Variants in KIAA1671 observed in about 807,000 individuals in gnomAD.
KIAA1671 encodes the protein KIAA1671.
A neutral mutation model predicts 131.2 loss-of-function variants in KIAA1671; 52 were observed. The observed-to-expected ratio is 0.40, with a 90% CI of 0.32 to 0.50. The LOEUF (loss-of-function observed/expected upper bound fraction) is 0.50, where lower values mean the gene tolerates loss of function less well. Among genes scored for constraint, KIAA1671 ranks in the 20% least tolerant of loss-of-function variants. The pLI, the probability that KIAA1671 is intolerant of heterozygous loss-of-function variation, is 0.73. For missense variants in KIAA1671, 2,360 were observed against 2,364.2 expected, an observed-to-expected ratio of 1.00 and a Z score of 0.04; for synonymous variants, 1,003 against 961.6, an observed-to-expected ratio of 1.04 and a Z score of -0.80.
chr22:25,172,483 C>T (rs1294990423), intron 7 of KIAA1671, among the ~76,000 whole-genome samples: 1 of 152,170 alleles, frequency 6.6e-6, no homozygotes, highest in Non-Finnish European at 1.5e-5. Context: ...AATAAAATCA[C>T]CCCAGAGCTG....
chr22:25,097,435 G>A (rs951158815), intron 6 of KIAA1671, among the ~76,000 whole-genome samples: 2 of 152,176 alleles, frequency 1.3e-5, no homozygotes, highest in Non-Finnish European at 2.9e-5. Context: ...CCAAGAAGGA[G>A]TTTTGCACCT....
chr22:25,164,607 G>C (rs981196875), intron 6 of KIAA1671, among the ~76,000 whole-genome samples: 1 of 152,176 alleles, frequency 6.6e-6, no homozygotes, highest in Admixed American at 6.5e-5. Flanking sequence ...CAAAAGAGTT[G>C]GAAGAATATC....
At chr22:24,965,967 A>G (rs1056123888) in intron 1 of KIAA1671, among the ~76,000 whole-genome samples, 7 of 152,204 alleles carry the variant, frequency 4.6e-5, no homozygotes, top group African/African-American at 1.7e-4. Context: ...TAGGATCCTC[A>G]TAACAACCTA....
rs133092 is a variant in KIAA1671 at position 24,988,735 on chromosome 22, CAAA to C, written c.-208+35981_-208+35983del. ...TGGGTGAAAGAGCGAGACTCCATCT[CAAA>C]AAAAAAAAAAAAAAAAATGGGTTTG... On this transcript the variant is annotated intron_variant, in intron 1 of 12. Transcript: ENST00000358431. 1.5e-3 allele frequency among the ~76,000 whole-genome samples: 163 copies of C among 106,474 alleles called. 1 individual carries two copies. Among genetic ancestry groups the C allele is most frequent in the Middle Eastern group, 5.3e-3 (1 of 188 alleles). The allele number at this position is 106,474 out of a possible 152,430, so 69.9% of individuals were successfully genotyped here.
chr22:25,183,212 G>A (rs2146038505), intron 10 of KIAA1671, among the ~76,000 whole-genome samples: 1 of 152,330 alleles, frequency 6.6e-6, no homozygotes, highest in South Asian at 2.1e-4. Context: ...TCAACTCTGT[G>A]TATGCCATGC....
rs185643268 is a variant in KIAA1671, at chr22:25,093,816, C to T, written c.4530+44452C>T. ...TCTCTCTCTCTCTCTCTCTCTGTCTCTCTCTCTTTCTCTCTCTGTCTGTCT... is the reference window on the plus strand; with the variant it reads ...TCTCTCTCTCTCTCTCTCTCTGTCTTTCTCTCTTTCTCTCTCTGTCTGTCT... On this transcript the variant is annotated intron_variant, in intron 6 of 12. Transcript: ENST00000358431. Among the ~76,000 whole-genome samples, 59 of 93,140 alleles carry T rather than the reference C, an allele frequency of 6.3e-4. 6 individuals are homozygous for T. The highest frequency in any genetic ancestry group is 1.1e-3 in the African/African-American group (24 of 21,054). The allele number at this position is 93,140 out of a possible 152,430, so 61.1% of individuals were successfully genotyped here. A position where few individuals can be genotyped will look rare whatever the true frequency, so the allele number is the denominator to read the frequency against.
At chr22:24,993,397 C>G (rs1302527006) in intron 1 of KIAA1671, among the ~76,000 whole-genome samples, 2 of 152,212 alleles carry the variant, frequency 1.3e-5, no homozygotes, top group East Asian at 3.9e-4. Context: ...GCTGTGCAAG[C>G]AGAAATTTCT....
chr22:25,153,810 C>T (rs2145981589), intron 6 of KIAA1671, among the ~76,000 whole-genome samples: 1 of 152,314 alleles, frequency 6.6e-6, no homozygotes, highest in East Asian at 1.9e-4. Flanking sequence ...GGAGCCTTGA[C>T]GAATCAGAGA....
At chr22:25,083,823 C>A (rs1401923166) in intron 6 of KIAA1671, among the ~76,000 whole-genome samples, 2 of 152,248 alleles carry the variant, frequency 1.3e-5, no homozygotes, top group African/African-American at 4.8e-5. Context: ...CTTTGCCAGA[C>A]CCCCTGCTGC....
At chr22:25,121,199 A>G (rs1176579550) in intron 6 of KIAA1671, among the ~76,000 whole-genome samples, 1 of 152,142 alleles carries the variant, frequency 6.6e-6, no homozygotes, top group Non-Finnish European at 1.5e-5. Context: ...GCGGTGGCTC[A>G]CGCCTGTAGT....
At chr22:24,982,381 T>C (rs1047448683) in intron 1 of KIAA1671, among the ~76,000 whole-genome samples, 2 of 152,208 alleles carry the variant, frequency 1.3e-5, no homozygotes, top group Admixed American at 1.3e-4. Context: ...GTCGCGGAAG[T>C]GTTAAAGACA....
intron 10 of KIAA1671, among the ~76,000 whole-genome samples, chr22:25,182,165 C>T (rs1005537918): frequency 6.1e-5 from 9 of 148,296 alleles, no homozygotes; most frequent in Admixed American, 1.4e-4. Context: ...GGCGACAGAG[C>T]GGGACTCCAT....
intron 1 of KIAA1671, among the ~76,000 whole-genome samples, chr22:24,995,689 G>C (rs1924096904): frequency 6.6e-6 from 1 of 152,248 alleles, no homozygotes; most frequent in South Asian, 2.1e-4. Context: ...ATAATAATAC[G>C]GTTATGAGGA....
At chr22:25,020,735 A>C (rs1925619159) in intron 1 of KIAA1671, among the ~76,000 whole-genome samples, 1 of 152,216 alleles carries the variant, frequency 6.6e-6, no homozygotes, top group Non-Finnish European at 1.5e-5. Context: ...CAGTGAGCTA[A>C]GGGCAGTGCA....
intron 6 of KIAA1671, among the ~76,000 whole-genome samples, chr22:25,115,718 G>A (rs1161431565): frequency 1.3e-5 from 2 of 152,110 alleles, no homozygotes; most frequent in Non-Finnish European, 2.9e-5. Context: ...TAAGCATCAG[G>A]TGCATATAAC....
intron 6 of KIAA1671, chr22:25,058,368 G>A (rs1927967846): frequency 6.6e-6 from 1 of 152,134 alleles, no homozygotes; most frequent in South Asian, 2.1e-4. Context: ...ATTAAATAAA[G>A]TTCATAGTTT....
At chr22:25,105,786 G>T (rs1226237819) in intron 6 of KIAA1671, among the ~76,000 whole-genome samples, 1 of 145,510 alleles carries the variant, frequency 6.9e-6, no homozygotes, top group Non-Finnish European at 1.5e-5. Context: ...TTTGGTGAGG[G>T]CCAGGATATA....
chr22:25,180,314 G>C (rs1934222467), intron 9 of KIAA1671, among the ~76,000 whole-genome samples: 1 of 152,358 alleles, frequency 6.6e-6, no homozygotes, highest in East Asian at 1.9e-4. Flanking sequence ...GCCGAGGTGG[G>C]TGGATCACGA....
chr22:25,000,473 G>C (rs1924397221), intron 1 of KIAA1671, among the ~76,000 whole-genome samples: 1 of 80,412 alleles, frequency 1.2e-5, no homozygotes, highest in Non-Finnish European at 2.6e-5. Context: ...GATTACAGGC[G>C]TGAGCCACCG....
Sources: allele counts gnomAD v4.1 joint callset (sites outside exome capture counted in the v4.1 genomes callset), GRCh38; gene constraint gnomAD v4.1.1; transcripts MANE v1.5; gene names NCBI Gene and HGNC (gene_info 2026-07-23, HGNC 2026-07-21).